Variants in NUDT13 observed in about 807,000 individuals in gnomAD.
The protein encoded by NUDT13 is nudix hydrolase 13.
A neutral mutation model predicts 41.7 loss-of-function variants in NUDT13; 40 were observed. That is an observed-to-expected ratio of 0.96 (90% confidence interval 0.75 to 1.25). The LOEUF is 1.25. NUDT13 is among the 50% of genes most tolerant of loss of function. The probability of loss-of-function intolerance (pLI) is 0.00; values close to 1 mark genes in which losing one functional copy is unlikely to be tolerated. For synonymous variants in NUDT13, 145 were observed against 155.5 expected, an observed-to-expected ratio of 0.93 and a Z score of 0.50; for missense variants, 390 against 416.1, an observed-to-expected ratio of 0.94 and a Z score of 0.55.
chr10:73,127,162 C>T (rs890100703), intron 8 of NUDT13, among the ~76,000 whole-genome samples: 3 of 151,354 alleles, frequency 2.0e-5, no homozygotes, highest in South Asian at 2.1e-4. Context: ...GGGCGGATCA[C>T]GAGGTCAGGA....
intron 3 of NUDT13, 96 bp from the exon 4 acceptor site, chr10:73,122,079 T>C (rs1030802096): frequency 4.3e-6 from 6 of 1,397,926 alleles, no homozygotes; most frequent in Non-Finnish European, 5.8e-6. Flanking sequence ...CACTTTAAGC[T>C]GAAGTAGATG....
At position 73,126,835 on chromosome 10, in the gene NUDT13, C is replaced by T. The variant is rs144122967; in HGVS notation, c.858+8C>T. ...AAACCAGGGCAGACAGAAGTAAGTT[C>T]TCATCTTCCCTTATACTGTGATATT... is the stretch of plus-strand genomic sequence containing the variant. On this transcript the variant is annotated splice_region_variant and intron_variant, in intron 8 of 8. Coordinates refer to ENST00000357321, the MANE Select transcript of NUDT13 (RefSeq NM_015901.6). 8.1e-6 allele frequency: 13 copies of T among 1,612,588 alleles called. No individual in the cohort carries two copies. The highest frequency in any genetic ancestry group is 6.7e-5 in the Admixed American group (4 of 59,986).
chr10:73,127,563 C>T (rs1275953799), intron 8 of NUDT13, among the ~76,000 whole-genome samples: 1 of 150,838 alleles, frequency 6.6e-6, no homozygotes, highest in Non-Finnish European at 1.5e-5. Flanking sequence ...AGTGCAGTGG[C>T]GCGATCTCGG....
At chr10:73,111,193 TG>T (rs1191691081) in intron 1 of NUDT13, among the ~76,000 whole-genome samples, 2 of 152,132 alleles carry the variant, frequency 1.3e-5, no homozygotes, top group African/African-American at 2.4e-5. Context: ...TTAGCCAGGA[TG>T]GTCTCGATCT....
Position 73,124,386 on chromosome 10 carries a change from T to C in NUDT13, c.465+66T>C, listed in dbSNP as rs922417912. ...CAGTAAGTGTGGGCAAATCCATGTG[T>C]ACACACAAGGCTAGAGTGACGTTTG... On this transcript the variant is annotated intron_variant, in intron 5 of 8. Transcript: ENST00000357321. 9 of 1,045,618 alleles carry C rather than the reference T, an allele frequency of 8.6e-6. No homozygotes were observed. The African/African-American group carries it at 1.2e-4, about 14-fold the overall frequency. 64.8% of individuals were successfully genotyped at this position (1,045,618 alleles called of 1,614,324 possible). A position where few individuals can be genotyped will look rare whatever the true frequency, so the allele number is the denominator to read the frequency against.
At position 73,125,520 on chromosome 10, in the gene NUDT13, T is replaced by C. The variant is rs1306157673; in HGVS notation, c.703+11T>C. 2 of 1,521,692 alleles carry C rather than the reference T, an allele frequency of 1.3e-6. No homozygotes were observed. Among genetic ancestry groups the C allele is most frequent in the South Asian group, 1.2e-5 (1 of 84,902 alleles). 94.3% of individuals were successfully genotyped at this position (1,521,692 alleles called of 1,614,324 possible). A position where few individuals can be genotyped will look rare whatever the true frequency, so the allele number is the denominator to read the frequency against. ...GTTTTTGTGATATAGGTGAGGAGTT[T>C]AGGGGATATACAGGTGACACTGGAA... is the stretch of plus-strand genomic sequence containing the variant. On this transcript the variant is annotated intron_variant, in intron 7 of 8. Transcript: ENST00000357321.
intron 8 of NUDT13, among the ~76,000 whole-genome samples, chr10:73,128,502 C>T (rs1422013641): frequency 1.3e-5 from 2 of 152,174 alleles, no homozygotes; most frequent in Non-Finnish European, 2.9e-5. Flanking sequence ...ATGTTGAGCA[C>T]CTTTTCACAT....
chr10:73,124,961 A>T (rs1680898813), intron 5 of NUDT13, 157 bp from the exon 6 acceptor site: 1 of 701,752 alleles, frequency 1.4e-6, no homozygotes, highest in Non-Finnish European at 2.2e-6. Context: ...CAGTTAGTTT[A>T]CTTGTCCTGA....
intron 8 of NUDT13, among the ~76,000 whole-genome samples, chr10:73,129,361 T>TG (rs951551904): frequency 9.2e-5 from 14 of 151,664 alleles, no homozygotes; most frequent in African/African-American, 3.1e-4. Flanking sequence ...TTATTAGAGA[T>TG]GGGGGTTCCA....
intron 8 of NUDT13, among the ~76,000 whole-genome samples, chr10:73,129,069 C>G (rs969638587): frequency 6.6e-6 from 1 of 151,756 alleles, no homozygotes; most frequent in Non-Finnish European, 1.5e-5. Flanking sequence ...TAATGACTGA[C>G]TGCAGGATTG....
chr10:73,127,604 G>A (rs894025783), intron 8 of NUDT13, among the ~76,000 whole-genome samples: 5 of 151,338 alleles, frequency 3.3e-5, no homozygotes, highest in African/African-American at 1.2e-4. Flanking sequence ...CTGGGTTCAA[G>A]TGATTCTCCT....
At chr10:73,119,103 T>C (rs773148263) in intron 2 of NUDT13, among the ~76,000 whole-genome samples, 17 of 152,080 alleles carry the variant, frequency 1.1e-4, no homozygotes, top group Non-Finnish European at 2.4e-4. Flanking sequence ...TGGAGTGCAG[T>C]GGCGTGATCT....
At chr10:73,120,288 C>T in intron 3 of NUDT13, 131 bp downstream of exon 3, 1 of 761,106 alleles carries the variant, frequency 1.3e-6, no homozygotes, top group Non-Finnish European at 2.0e-6. Flanking sequence ...GAGTCTCATG[C>T]TTGTATAACT....
chr10:73,125,097 G>A, intron 5 of NUDT13, 21 bp from the exon 6 acceptor site: 1 of 1,597,514 alleles, frequency 6.3e-7, no homozygotes, highest in Non-Finnish European at 8.5e-7. Flanking sequence ...AATGACACCA[G>A]GCCCATCATT....
Position 73,125,430 on chromosome 10 carries a change from T to A in NUDT13, c.624T>A (p.Asp208Glu). The A allele has an allele frequency of 6.2e-7, 1 of 1,613,566 alleles. No homozygotes were observed. The highest frequency in any genetic ancestry group is 8.5e-7 in the Non-Finnish European group (1 of 1,179,814). ...CTGTGGCGATCACGCTGGTGTCAGATGGGACCCGATGCCTGCTTGCCCGCC... is the reference window on the plus strand; with the variant it reads ...CTGTGGCGATCACGCTGGTGTCAGAAGGGACCCGATGCCTGCTTGCCCGCC... ...MAPVAITLVS[D>E]GTRCLLARQS... is the part of the protein sequence containing the mutation. The change falls in exon 7 of 9, where the codon GAT (aspartate) becomes GAA (glutamate). Residue 208 changes from aspartate (D) to glutamate (E), a missense_variant. Asp to Glu is a conservative substitution (Grantham distance 45). Transcript: ENST00000357321.
At position 73,113,365 on chromosome 10, in the gene NUDT13, T is replaced by C. The variant is rs867752728; in HGVS notation, c.-9-992T>C. Among the ~76,000 whole-genome samples the C allele has an allele frequency of 3.9e-5, 6 of 152,362 alleles. 1 individual carries two copies. The Middle Eastern group carries it at 0.017, about 432-fold the overall frequency. On this transcript the variant is annotated intron_variant, in intron 1 of 8. Transcript: ENST00000357321. ...TCCAAATCAACCTGTAAAAATATCA[T>C]ACCAGTTTACATTCTGAGTGGTGTA...
At chr10:73,115,428 C>T (rs993506490) in intron 2 of NUDT13, among the ~76,000 whole-genome samples, 1 of 151,240 alleles carries the variant, frequency 6.6e-6, no homozygotes, top group African/African-American at 2.5e-5. Context: ...CCTGCCTTGA[C>T]CTCCCAAAGT....
At chr10:73,125,881 T>C (rs540589794) in intron 7 of NUDT13, among the ~76,000 whole-genome samples, 2 of 152,110 alleles carry the variant, frequency 1.3e-5, no homozygotes, top group East Asian at 3.9e-4. Context: ...AGACAGGGTC[T>C]CGCCGTGTTG....
intron 2 of NUDT13, among the ~76,000 whole-genome samples, chr10:73,115,701 ATTG>A (rs1260843932): frequency 2.0e-5 from 3 of 152,210 alleles, no homozygotes; most frequent in African/African-American, 7.2e-5. Flanking sequence ...TTAAAATTAT[ATTG>A]TTCTATTCCT....
Sources: gnomAD v4.1 joint callset for allele counts (sites outside exome capture counted in the v4.1 genomes callset) on GRCh38, gnomAD v4.1.1 for gene constraint, MANE v1.5 for transcripts, NCBI Gene and HGNC (gene_info 2026-07-23, HGNC 2026-07-21) for gene names.